CSMD1: variants seen among roughly 807,000 people sequenced by gnomAD.
CSMD1 encodes the protein CUB and sushi domain-containing protein 1.
Under a neutral mutation model 417.5 loss-of-function variants are expected in CSMD1, and 213 were observed. The observed-to-expected ratio is 0.51, with a 90% CI of 0.46 to 0.57. The LOEUF (loss-of-function observed/expected upper bound fraction) is 0.57. CSMD1 is among the 20% of genes least tolerant of loss of function. The pLI, the probability that CSMD1 is intolerant of heterozygous loss-of-function variation, is 0.00. For missense variants in CSMD1, 6,923 were observed against 4,529.7 expected (o/e 1.53, Z -15.17); for synonymous variants, 2,862 against 1,736.8 (o/e 1.65, Z -16.11).
chr8:4,286,524 A>G (rs927498860), intron 3 of CSMD1, among the ~76,000 whole-genome samples: 8 of 152,080 alleles, frequency 5.3e-5, no homozygotes, highest in African/African-American at 1.9e-4. Context: ...CTCTTCTGAG[A>G]TAATATGGTC....
chr8:3,854,985 G>T (rs956303678), intron 5 of CSMD1, among the ~76,000 whole-genome samples: 3 of 152,078 alleles, frequency 2.0e-5, no homozygotes, highest in Non-Finnish European at 4.4e-5. Context: ...AAATGTCCAG[G>T]CCCAGTAATC....
intron 23 of CSMD1, among the ~76,000 whole-genome samples, chr8:3,310,054 G>C (rs1805203096): frequency 2.0e-5 from 3 of 152,188 alleles, no homozygotes; most frequent in South Asian, 2.1e-4. Flanking sequence ...GAACAGAAGA[G>C]TGTATCCATC....
chr8:4,257,383 C>A (rs1389340333), intron 3 of CSMD1, among the ~76,000 whole-genome samples: 1 of 151,912 alleles, frequency 6.6e-6, no homozygotes, highest in Non-Finnish European at 1.5e-5. Context: ...TTATATATTA[C>A]CATTTTTCTT....
At chr8:4,224,207 A>T (rs546698066) in intron 3 of CSMD1, among the ~76,000 whole-genome samples, 1 of 135,636 alleles carries the variant, frequency 7.4e-6, no homozygotes, top group Non-Finnish European at 1.5e-5. Flanking sequence ...AGCGTTTGTG[A>T]TCCAAGTCCT....
At chr8:4,200,941 C>A (rs1049079582) in intron 3 of CSMD1, among the ~76,000 whole-genome samples, 2 of 152,140 alleles carry the variant, frequency 1.3e-5, no homozygotes, top group Admixed American at 1.3e-4. Flanking sequence ...CTTTTCTAAT[C>A]TCCATAACTA....
chr8:4,237,806 C>T (rs1325769263), intron 3 of CSMD1, among the ~76,000 whole-genome samples: 1 of 152,144 alleles, frequency 6.6e-6, no homozygotes, highest in Non-Finnish European at 1.5e-5. Context: ...GGCCACAGTA[C>T]CTGGCCCAAA....
chr8:3,877,614 T>C (rs1805911288), intron 5 of CSMD1, among the ~76,000 whole-genome samples: 1 of 152,178 alleles, frequency 6.6e-6, no homozygotes, highest in Non-Finnish European at 1.5e-5. Flanking sequence ...AATCCACAAT[T>C]TCTGCCCAGT....
intron 6 of CSMD1, among the ~76,000 whole-genome samples, chr8:3,740,689 C>T (rs567096322): frequency 6.6e-6 from 1 of 152,120 alleles, no homozygotes; most frequent in South Asian, 2.1e-4. Flanking sequence ...GAAGAGGAGT[C>T]GAAGCAAACA....
rs555241545 is a variant in CSMD1 at position 3,564,462 on chromosome 8, C to T, written c.1344+10483G>A. ...TATTCTTTACCTCTGTAACACTTTACGTTGTACACTGATAAGGGATTAGTC... is the reference window on the plus strand; with the variant it reads ...TATTCTTTACCTCTGTAACACTTTATGTTGTACACTGATAAGGGATTAGTC... On this transcript the variant is annotated intron_variant, in intron 10 of 69. Coordinates refer to ENST00000635120, the MANE Select transcript of CSMD1 (RefSeq NM_033225.6). Among the ~76,000 whole-genome samples the T allele has an allele frequency of 1.3e-3, 201 of 150,522 alleles. 3 individuals are homozygous for T. Among genetic ancestry groups the T allele is most frequent in the African/African-American group, 4.5e-3 (186 of 40,902 alleles).
chr8:2,973,151 A>G lies in CSMD1; in HGVS notation c.8889T>C (p.Asn2963=). ...RGSPERTCLL[N]GSWSGLQPVC... ...CCGGCTGCAGTCCTGACCATGACCC[A>G]TTGAGCAAACACGTGCGTTCAGGGG... Residue 2963 remains asparagine, a synonymous_variant, in exon 57 of 70, where the codon AAT becomes AAC. Coordinates refer to ENST00000635120, the MANE Select transcript of CSMD1 (RefSeq NM_033225.6). The G allele has an allele frequency of 3.7e-6, 6 of 1,613,760 alleles. No individual in the cohort carries two copies. The highest frequency in any genetic ancestry group is 5.1e-6 in the Non-Finnish European group (6 of 1,179,712).
intron 7 of CSMD1, among the ~76,000 whole-genome samples, chr8:3,687,129 G>C (rs537781473): frequency 5.1e-4 from 78 of 152,322 alleles, no homozygotes; most frequent in African/African-American, 1.8e-3. Flanking sequence ...TTTAAAACCA[G>C]AAATACAAGC....
chr8:4,017,322 G>T (rs543297468), intron 4 of CSMD1, among the ~76,000 whole-genome samples: 2 of 152,052 alleles, frequency 1.3e-5, no homozygotes, highest in East Asian at 1.9e-4. Flanking sequence ...TTAGGGGAGG[G>T]AGGACAAAGT....
intron 3 of CSMD1, among the ~76,000 whole-genome samples, chr8:4,071,453 C>T (rs560528163): frequency 5.3e-5 from 8 of 151,934 alleles, no homozygotes; most frequent in East Asian, 1.9e-4. Flanking sequence ...CATTTTATAA[C>T]GCCTATTTTT....
At chr8:3,861,684 G>T (rs930595594) in intron 5 of CSMD1, among the ~76,000 whole-genome samples, 11 of 152,134 alleles carry the variant, frequency 7.2e-5, no homozygotes, top group African/African-American at 2.7e-4. Flanking sequence ...CAGAGAATAG[G>T]GTTTTTTGTT....
intron 2 of CSMD1, among the ~76,000 whole-genome samples, chr8:4,505,753 T>G (rs1027753998): frequency 1.3e-4 from 20 of 152,120 alleles, no homozygotes; most frequent in African/African-American, 4.8e-4. Context: ...TACAACTCAG[T>G]GGCTTGTAAG....
chr8:4,882,047 G>A (rs1339194635), intron 1 of CSMD1, among the ~76,000 whole-genome samples: 1 of 152,028 alleles, frequency 6.6e-6, no homozygotes, highest in Non-Finnish European at 1.5e-5. Context: ...TAATCTCACT[G>A]AATTTCTGTT....
chr8:4,528,524 C>G (rs1435801337), intron 2 of CSMD1, among the ~76,000 whole-genome samples: 1 of 152,154 alleles, frequency 6.6e-6, no homozygotes, highest in Non-Finnish European at 1.5e-5. Context: ...GTTAACAATA[C>G]TTTGCTGTGT....
chr8:3,273,046 C>A (rs990739390), intron 26 of CSMD1, among the ~76,000 whole-genome samples: 1 of 151,992 alleles, frequency 6.6e-6, no homozygotes, highest in African/African-American at 2.4e-5. Flanking sequence ...TTTGCCCATT[C>A]GGTATGATAT....
intron 3 of CSMD1, among the ~76,000 whole-genome samples, chr8:4,037,272 C>A (rs1410334585): frequency 6.6e-6 from 1 of 152,094 alleles, no homozygotes; most frequent in South Asian, 2.1e-4. Flanking sequence ...TATCAATTAA[C>A]CTGTGGGAAA....
Sources: gnomAD v4.1 joint callset for allele counts (sites outside exome capture counted in the v4.1 genomes callset) on GRCh38, gnomAD v4.1.1 for gene constraint, MANE v1.5 for transcripts, NCBI Gene and HGNC (gene_info 2026-07-23, HGNC 2026-07-21) for gene names.